Variants in CACNA2D1 observed in about 807,000 individuals in gnomAD.
The protein encoded by CACNA2D1 is voltage-dependent calcium channel subunit alpha-2/delta-1.
A neutral mutation model predicts 171.5 loss-of-function variants in CACNA2D1; 53 were observed. The ratio of observed to expected loss-of-function variants is 0.31; its 90% confidence interval spans 0.25 to 0.39. CACNA2D1 has a LOEUF of 0.39. CACNA2D1 is among the 10% of genes least tolerant of loss of function. CACNA2D1 has a pLI of 1.00. For missense variants in CACNA2D1, 903 were observed against 1,299.8 expected (o/e 0.69, Z 4.69); for synonymous variants, 442 against 443.1 (o/e 1.00, Z 0.03).
At chr7:82,246,354 T>G (rs1323110505) in intron 3 of CACNA2D1, among the ~76,000 whole-genome samples, 1 of 152,148 alleles carries the variant, frequency 6.6e-6, no homozygotes, top group East Asian at 1.9e-4. Flanking sequence ...AGAAAGTGAA[T>G]GTAGTTCATC....
intron 2 of CACNA2D1, among the ~76,000 whole-genome samples, chr7:82,338,073 C>T (rs1585556933): frequency 1.3e-5 from 2 of 152,062 alleles, no homozygotes; most frequent in East Asian, 1.9e-4. Context: ...TGCTAATCAG[C>T]TATGTTAACA....
At chr7:81,977,000 G>C (rs1169788484) in intron 24 of CACNA2D1, among the ~76,000 whole-genome samples, 1 of 152,178 alleles carries the variant, frequency 6.6e-6, no homozygotes. Context: ...TCTGCAAACA[G>C]AGACAATTTG....
chr7:82,172,186 A>G (rs1796086837), intron 3 of CACNA2D1, among the ~76,000 whole-genome samples: 1 of 152,026 alleles, frequency 6.6e-6, no homozygotes, highest in Admixed American at 6.6e-5. Context: ...AATGTTAGAA[A>G]TTGTACCACA....
At chr7:82,341,579 T>A (rs1818639297) in intron 2 of CACNA2D1, among the ~76,000 whole-genome samples, 1 of 152,164 alleles carries the variant, frequency 6.6e-6, no homozygotes, top group Non-Finnish European at 1.5e-5. Context: ...TAAATAAAAA[T>A]CAAGCTTTTA....
chr7:82,317,012 AG>A (rs1815208398), intron 3 of CACNA2D1, among the ~76,000 whole-genome samples: 1 of 152,212 alleles, frequency 6.6e-6, no homozygotes, highest in African/African-American at 2.4e-5. Flanking sequence ...AACACTAGAA[AG>A]TAAATCAGAA....
chr7:82,367,418 C>T (rs1262061538), intron 1 of CACNA2D1, among the ~76,000 whole-genome samples: 2 of 151,948 alleles, frequency 1.3e-5, no homozygotes, highest in Admixed American at 6.6e-5. Flanking sequence ...CTTTAAGCAC[C>T]AGGTCAAATG....
chr7:82,103,887 C>T (rs1812994168), intron 6 of CACNA2D1, among the ~76,000 whole-genome samples: 1 of 151,904 alleles, frequency 6.6e-6, no homozygotes, highest in Non-Finnish European at 1.5e-5. Flanking sequence ...ATAAACTTAA[C>T]TGAACTTTAT....
At chr7:82,038,055 A>G (rs767320071) in intron 11 of CACNA2D1, 22 bp downstream of exon 11, 2 of 1,610,478 alleles carry the variant, frequency 1.2e-6, no homozygotes, top group East Asian at 2.2e-5. Context: ...AACAACAACA[A>G]AAGACATAGC....
At chr7:82,373,544 A>G (rs1054641030) in intron 1 of CACNA2D1, among the ~76,000 whole-genome samples, 2 of 152,212 alleles carry the variant, frequency 1.3e-5, no homozygotes, top group African/African-American at 4.8e-5. Context: ...GTATTAAAAC[A>G]CATCGTACTG....
chr7:82,210,318 A>G (rs1371230324), intron 3 of CACNA2D1, among the ~76,000 whole-genome samples: 1 of 152,120 alleles, frequency 6.6e-6, no homozygotes, highest in Non-Finnish European at 1.5e-5. Flanking sequence ...ATATGTTATG[A>G]ATGTATTGGA....
intron 3 of CACNA2D1, among the ~76,000 whole-genome samples, chr7:82,182,717 G>C (rs1402829000): frequency 6.6e-6 from 1 of 152,052 alleles, no homozygotes; most frequent in Non-Finnish European, 1.5e-5. Context: ...GAATAAGCTT[G>C]CATATGCATA....
chr7:82,181,545 A>C (rs2129170355), intron 3 of CACNA2D1, among the ~76,000 whole-genome samples: 1 of 152,348 alleles, frequency 6.6e-6, no homozygotes, highest in Non-Finnish European at 1.5e-5. Flanking sequence ...GTTAACAAAC[A>C]TCCAGGTTAT....
chr7:82,101,974 T>C (rs1462339295), intron 6 of CACNA2D1, among the ~76,000 whole-genome samples: 1 of 152,166 alleles, frequency 6.6e-6, no homozygotes, highest in Non-Finnish European at 1.5e-5. Flanking sequence ...ATAAGATTTA[T>C]GTATTCAGGT....
intron 3 of CACNA2D1, among the ~76,000 whole-genome samples, chr7:82,300,054 A>G (rs1039385315): frequency 6.6e-6 from 1 of 152,176 alleles, no homozygotes; most frequent in Admixed American, 6.5e-5. Flanking sequence ...CTCTGAAGAT[A>G]ATACAGGTAG....
intron 4 of CACNA2D1, among the ~76,000 whole-genome samples, chr7:82,146,156 T>C (rs1466457330): frequency 6.6e-6 from 1 of 151,716 alleles, no homozygotes; most frequent in African/African-American, 2.4e-5. Context: ...GTGTCTTTAC[T>C]ATGTTTAATA....
chr7:82,096,491 C>T (rs144159219), intron 6 of CACNA2D1, among the ~76,000 whole-genome samples: 35 of 151,892 alleles, frequency 2.3e-4, no homozygotes, highest in African/African-American at 8.5e-4. Context: ...ATCAAGTTCT[C>T]AGGAATATCC....
chr7:82,382,832 G>A (rs1823861358), intron 1 of CACNA2D1, among the ~76,000 whole-genome samples: 1 of 152,096 alleles, frequency 6.6e-6, no homozygotes, highest in Non-Finnish European at 1.5e-5. Flanking sequence ...TTATATAACT[G>A]GTGTTCAAAA....
At chr7:82,164,122 T>C (rs1242776079) in intron 4 of CACNA2D1, among the ~76,000 whole-genome samples, 2 of 151,922 alleles carry the variant, frequency 1.3e-5, no homozygotes, top group African/African-American at 4.8e-5. Context: ...TATTCAGACA[T>C]GTAAAAGTGC....
At chr7:82,164,383 T>C (rs905114495) in intron 4 of CACNA2D1, among the ~76,000 whole-genome samples, 18 of 152,076 alleles carry the variant, frequency 1.2e-4, no homozygotes, top group Admixed American at 3.9e-4. Context: ...GAATTAAACA[T>C]ATATTGGGCA....
Sources: allele counts gnomAD v4.1 joint callset (sites outside exome capture counted in the v4.1 genomes callset), GRCh38; gene constraint gnomAD v4.1.1; transcripts MANE v1.5; gene names NCBI Gene and HGNC (gene_info 2026-07-23, HGNC 2026-07-21).